Variants in TMED8 observed in about 807,000 individuals in gnomAD.
TMED8 encodes protein TMED8.
Under a neutral mutation model 32.7 loss-of-function variants are expected in TMED8, and 15 were observed. That is an observed-to-expected ratio of 0.46 (90% CI 0.31 to 0.71). The LOEUF (loss-of-function observed/expected upper bound fraction) is 0.71, where lower values mean the gene tolerates loss of function less well. Ranked by LOEUF, TMED8 falls within the 30% of genes least tolerant of loss-of-function variation. The pLI is 0.06. For synonymous variants in TMED8, 147 were observed against 161.4 expected (o/e 0.91, Z 0.68); for missense variants, 390 against 423.9 (o/e 0.92, Z 0.70).
At chr14:77,350,438 C>T (rs1009530985) in intron 2 of TMED8, among the ~76,000 whole-genome samples, 1 of 151,986 alleles carries the variant, frequency 6.6e-6, no homozygotes, top group African/African-American at 2.4e-5. Context: ...TAAATATTAG[C>T]CCCAAAATAT....
chr14:77,359,162 G>A (rs983752365), intron 1 of TMED8, among the ~76,000 whole-genome samples: 1 of 151,880 alleles, frequency 6.6e-6, no homozygotes, highest in Non-Finnish European at 1.5e-5. Context: ...TGCCCACCCC[G>A]GACTCCCAAA....
chr14:77,349,888 G>A (rs1030421963), intron 2 of TMED8, among the ~76,000 whole-genome samples: 1 of 152,164 alleles, frequency 6.6e-6, no homozygotes, highest in Admixed American at 6.6e-5. Flanking sequence ...CTCTTTCCAC[G>A]AGAGATTTGC....
chr14:77,347,753 C>T (rs1266811089), intron 2 of TMED8, among the ~76,000 whole-genome samples: 1 of 152,200 alleles, frequency 6.6e-6, no homozygotes, highest in African/African-American at 2.4e-5. Context: ...TGCTCTCTTC[C>T]ATTTCCCCTG....
In TMED8 at chr14:77,341,412, G is replaced by A; in HGVS notation, c.*359C>T. ...AATGCACTGGCAATAAGGGCTGTGG[G>A]AGAGGAGAGGGCAGCAATCTGAATG... On this transcript the variant is annotated 3_prime_UTR_variant, in exon 6 of 6. Transcript: ENST00000216468. 1 of 271,610 alleles carries A rather than the reference G, an allele frequency of 3.7e-6. No homozygotes were observed. The highest frequency in any genetic ancestry group is 4.1e-5 in the South Asian group (1 of 24,586). The allele number at this position is 271,610 out of a possible 1,614,324, so 16.8% of individuals were successfully genotyped here.
At position 77,346,309 on chromosome 14, in the gene TMED8, T is replaced by C. The variant is rs1255663841; in HGVS notation, c.327+40A>G. On this transcript the variant is annotated intron_variant, in intron 3 of 5. Coordinates refer to ENST00000216468, the MANE Select transcript of TMED8 (RefSeq NM_213601.3). ...CAACCACTATGTGTCCACATTCTGGTGCCTCCTTTCATAAGAAAGAGCCAG... is the reference window on the plus strand; with the variant it reads ...CAACCACTATGTGTCCACATTCTGGCGCCTCCTTTCATAAGAAAGAGCCAG... 9 of 1,607,522 alleles carry C rather than the reference T, an allele frequency of 5.6e-6. No individual in the cohort carries two copies. In the East Asian group the frequency reaches 2.0e-4, roughly 36 times the overall value.
intron 1 of TMED8, among the ~76,000 whole-genome samples, chr14:77,357,389 T>C (rs1291074375): frequency 6.6e-6 from 1 of 152,246 alleles, no homozygotes; most frequent in Admixed American, 6.5e-5. Context: ...CTAAAATAGA[T>C]ACAGGATTTC....
chr14:77,372,937 TATATATA>T (rs1893717912), intron 1 of TMED8, among the ~76,000 whole-genome samples: 1 of 34,102 alleles, frequency 2.9e-5, no homozygotes, highest in Non-Finnish European at 5.1e-5. Flanking sequence ...TATATATATA[TATATATA>T]TATATATATT....
At chr14:77,371,493 G>A (rs1187551862) in intron 1 of TMED8, among the ~76,000 whole-genome samples, 1 of 152,060 alleles carries the variant, frequency 6.6e-6, no homozygotes, top group Admixed American at 6.6e-5. Flanking sequence ...AAGGAGTTGA[G>A]CTTTTGATTT....
In TMED8 at chr14:77,341,632, ACAGT is replaced by A; in HGVS notation, c.*135_*138del. The stretch of plus-strand genomic sequence containing the variant: ...GAAGGGGAAAAAGCTACGTGGGCCA[ACAGT>A]CAGGCATGCCAGACAGGGTGTGAGG... On this transcript the variant is annotated 3_prime_UTR_variant, in exon 6 of 6. Coordinates refer to ENST00000216468, the MANE Select transcript of TMED8 (RefSeq NM_213601.3). The A allele has an allele frequency of 1.4e-6, 1 of 698,534 alleles. No individual in the cohort carries two copies. Among genetic ancestry groups the A allele is most frequent in the Non-Finnish European group, 2.4e-6 (1 of 415,530 alleles). 43.3% of individuals were successfully genotyped at this position (698,534 alleles called of 1,614,324 possible).
At chr14:77,355,456 A>G (rs1415956546) in intron 1 of TMED8, among the ~76,000 whole-genome samples, 1 of 152,180 alleles carries the variant, frequency 6.6e-6, no homozygotes, top group Non-Finnish European at 1.5e-5. Context: ...TCGGCCTCCC[A>G]AAGTGCTGGG....
chr14:77,343,509 G>C (rs1170481486), intron 4 of TMED8, 26 bp from the exon 5 acceptor site: 1 of 1,607,862 alleles, frequency 6.2e-7, no homozygotes, highest in Non-Finnish European at 8.5e-7. Flanking sequence ...GCTTAGCACT[G>C]AGAAACCATG....
rs1892796189 is a variant in TMED8 at position 77,337,646 on chromosome 14, C to T, written c.*4125G>A. The T allele has an allele frequency of 6.6e-6, 1 of 152,234 alleles. No homozygotes were observed. The highest frequency in any genetic ancestry group is 1.9e-4 in the East Asian group (1 of 5,190). The allele number at this position is 152,234 out of a possible 1,614,324, so 9.4% of individuals were successfully genotyped here. ...CCTAAGGTGGTCTGCCCACCTTGGC[C>T]TCCCAAAGTGCTGGGATTACAGGCG... On this transcript the variant is annotated 3_prime_UTR_variant, in exon 6 of 6. Transcript: ENST00000216468.
rs754042519 is a variant in TMED8 at position 77,341,530 on chromosome 14, G to T, written c.*241C>A. ...CATAGGTGCCTTCAAGAGGGAATTT[G>T]CTGGAGTCTGAAGCAAGAAGGGTAT... On this transcript the variant is annotated 3_prime_UTR_variant, in exon 6 of 6. Coordinates refer to ENST00000216468, the MANE Select transcript of TMED8 (RefSeq NM_213601.3). 1 of 550,964 alleles carries T rather than the reference G, an allele frequency of 1.8e-6. No homozygotes were observed. The highest frequency in any genetic ancestry group is 3.3e-6 in the Non-Finnish European group (1 of 306,556). The allele number at this position is 550,964 out of a possible 1,614,324, so 34.1% of individuals were successfully genotyped here.
chr14:77,353,161 G>A (rs564492159), intron 1 of TMED8, among the ~76,000 whole-genome samples: 21 of 152,260 alleles, frequency 1.4e-4, no homozygotes, highest in South Asian at 1.0e-3. Flanking sequence ...AGTTTTGTGG[G>A]TTATTCATTT....
In TMED8 at chr14:77,371,311, G is replaced by A. The variant is rs368210213; in HGVS notation, c.118+5625C>T. 3.0e-4 allele frequency among the ~76,000 whole-genome samples: 46 copies of A among 152,236 alleles called. 1 individual carries two copies. In the South Asian group the frequency reaches 8.9e-3, roughly 30 times the overall value. ...ATGAGAGTGTCTGCTTCTGCACACC[G>A]ACCAACAAAGTGAGTTAGCAAACTA... On this transcript the variant is annotated intron_variant, in intron 1 of 5. Transcript: ENST00000216468.
rs551114194 is a variant in TMED8 at position 77,339,680 on chromosome 14, C to A, written c.*2091G>T. 2 of 152,356 alleles carry A rather than the reference C, an allele frequency of 1.3e-5. No individual in the cohort carries two copies. Among genetic ancestry groups the A allele is most frequent in the South Asian group, 4.1e-4 (2 of 4,824 alleles). The allele number at this position is 152,356 out of a possible 1,614,324, so 9.4% of individuals were successfully genotyped here. A position where few individuals can be genotyped will look rare whatever the true frequency, so the allele number is the denominator to read the frequency against. On this transcript the variant is annotated 3_prime_UTR_variant, in exon 6 of 6. Transcript: ENST00000216468. Reference sequence around the variant, plus strand: ...TGACACACAGCAAATCAGCTCTTCACTGCCTCAACAGACAGTCACTAAAAT... The same window carrying A: ...TGACACACAGCAAATCAGCTCTTCAATGCCTCAACAGACAGTCACTAAAAT...
Position 77,370,203 on chromosome 14 carries a change from C to T in TMED8, c.118+6733G>A, listed in dbSNP as rs907096043. ...AAAAAAAAAAAAAAAATTCTGCCCT[C>T]TCTCTGTCATTGATTAATAATATCA... On this transcript the variant is annotated intron_variant, in intron 1 of 5. Coordinates refer to ENST00000216468, the MANE Select transcript of TMED8 (RefSeq NM_213601.3). Among the ~76,000 whole-genome samples, 12 of 151,772 alleles carry T rather than the reference C, an allele frequency of 7.9e-5. No individual in the cohort carries two copies. In the South Asian group the frequency reaches 1.5e-3, roughly 18 times the overall value.
intron 1 of TMED8, among the ~76,000 whole-genome samples, chr14:77,359,209 T>C (rs1377727992): frequency 6.6e-6 from 1 of 152,160 alleles, no homozygotes; most frequent in Non-Finnish European, 1.5e-5. Flanking sequence ...TGCGCCCAGC[T>C]ACAACTTGTT....
chr14:77,359,009 G>C (rs966411973), intron 1 of TMED8, among the ~76,000 whole-genome samples: 5 of 152,112 alleles, frequency 3.3e-5, no homozygotes, highest in African/African-American at 1.2e-4. Context: ...CCTGGCTTAA[G>C]CGATTCTCCT....
Sources: gnomAD v4.1 joint callset for allele counts (sites outside exome capture counted in the v4.1 genomes callset) on GRCh38, gnomAD v4.1.1 for gene constraint, MANE v1.5 for transcripts, NCBI Gene and HGNC (gene_info 2026-07-23, HGNC 2026-07-21) for gene names.